Variants in ALG8 observed in about 807,000 individuals in gnomAD.
The protein encoded by ALG8 is dolichyl pyrophosphate Glc1Man9GlcNAc2 alpha-1,3-glucosyltransferase.
ALG8 carries 48 observed loss-of-function variants against 70.2 expected under a neutral mutation model. That is an observed-to-expected ratio of 0.68 (90% confidence interval 0.54 to 0.87). The LOEUF is 0.87. Ranked by LOEUF, ALG8 falls within the 40% of genes least tolerant of loss-of-function variation. The pLI is 0.00. For synonymous variants in ALG8, 234 were observed against 229.0 expected, an observed-to-expected ratio of 1.02 and a Z score of -0.20; for missense variants, 572 against 608.7, an observed-to-expected ratio of 0.94 and a Z score of 0.64.
At chr11:78,127,787 G>C (rs904876956) in intron 1 of ALG8, among the ~76,000 whole-genome samples, 40 of 147,284 alleles carry the variant, frequency 2.7e-4, no homozygotes, top group Non-Finnish European at 5.3e-4. Flanking sequence ...TCAGCTCACT[G>C]CAACTGCCGC....
At position 78,107,069 on chromosome 11, in the gene ALG8, G is replaced by A. The variant is rs1860065742; in HGVS notation, c.1039-123C>T. On this transcript the variant is annotated intron_variant, in intron 9 of 12. Coordinates refer to ENST00000299626, the MANE Select transcript of ALG8 (RefSeq NM_024079.5). ...CAGCCAATCTTAGACAATTCTTCAT[G>A]AAACCGAATCATTCATCACTTTGTG... The A allele has an allele frequency of 5.8e-6, 7 of 1,208,160 alleles. No individual in the cohort carries two copies. In the South Asian group the frequency reaches 8.0e-5, roughly 14 times the overall value. 74.8% of individuals were successfully genotyped at this position (1,208,160 alleles called of 1,614,324 possible).
intron 3 of ALG8, among the ~76,000 whole-genome samples, chr11:78,122,693 C>A (rs1198379991): frequency 6.6e-6 from 1 of 152,110 alleles, no homozygotes; most frequent in Admixed American, 6.6e-5. Context: ...GAAATGAATT[C>A]TATTTCCTCT....
Position 78,109,641 on chromosome 11 carries a change from T to G in ALG8, c.899-60A>C. ...ATCTTTATTACTGAGATACCATATA[T>G]TAACAATCAATTCCTTGAGGAATAA... On this transcript the variant is annotated intron_variant, in intron 8 of 12. Coordinates refer to ENST00000299626, the MANE Select transcript of ALG8 (RefSeq NM_024079.5). 4 of 1,465,296 alleles carry G rather than the reference T, an allele frequency of 2.7e-6. No individual in the cohort carries two copies. In the South Asian group the frequency reaches 4.6e-5, roughly 17 times the overall value. The allele number at this position is 1,465,296 out of a possible 1,614,324, so 90.8% of individuals were successfully genotyped here. A position where few individuals can be genotyped will look rare whatever the true frequency, so the allele number is the denominator to read the frequency against.
chr11:78,135,772 C>A (rs984981154), intron 1 of ALG8, among the ~76,000 whole-genome samples: 8 of 151,318 alleles, frequency 5.3e-5, no homozygotes, highest in African/African-American at 1.9e-4. Context: ...CACTCGAACC[C>A]GGGAAGCTGA....
chr11:78,126,612 T>C (rs377649922), intron 2 of ALG8, among the ~76,000 whole-genome samples: 3 of 152,034 alleles, frequency 2.0e-5, no homozygotes, highest in African/African-American at 7.3e-5. Context: ...ATGGTTTGTA[T>C]ATTACCTGAT....
chr11:78,117,174 G>A (rs971719847), intron 5 of ALG8, among the ~76,000 whole-genome samples: 11 of 152,064 alleles, frequency 7.2e-5, no homozygotes, highest in African/African-American at 1.2e-4. Flanking sequence ...AGAATGTAGC[G>A]GTAAATTTCA....
At chr11:78,111,554 G>C (rs1860290859) in intron 8 of ALG8, among the ~76,000 whole-genome samples, 1 of 152,182 alleles carries the variant, frequency 6.6e-6, no homozygotes, top group Non-Finnish European at 1.5e-5. Context: ...CCTGTGCCCA[G>C]TTTTTGCACA....
rs959540040 is a variant in ALG8 at position 78,118,956 on chromosome 11, C to T, written c.546+226G>A. ...AAAACTCAATTTAATTCAGGCCTGC[C>T]GCATGCTAACAAGCTTTTGGAGTAC... is the stretch of plus-strand genomic sequence containing the variant. On this transcript the variant is annotated intron_variant, in intron 5 of 12. Transcript: ENST00000299626. 1.4e-4 allele frequency among the ~76,000 whole-genome samples: 21 copies of T among 151,974 alleles called. 2 individuals are homozygous for T. Among genetic ancestry groups the T allele is most frequent in the Admixed American group, 1.2e-3 (18 of 15,250 alleles).
intron 8 of ALG8, among the ~76,000 whole-genome samples, chr11:78,109,992 CCT>C (rs535748878): frequency 1.2e-3 from 177 of 152,262 alleles, no homozygotes; most frequent in Non-Finnish European, 2.1e-3. Context: ...CCCCTTCCCC[CCT>C]GTTCAATCTC....
chr11:78,116,029 C>T (rs1860546005), intron 5 of ALG8, among the ~76,000 whole-genome samples: 2 of 152,178 alleles, frequency 1.3e-5, no homozygotes, highest in African/African-American at 4.8e-5. Flanking sequence ...TTGATACAAA[C>T]ACTACTTAGG....
chr11:78,113,789 A>G, intron 7 of ALG8, 97 bp downstream of exon 7: 1 of 998,638 alleles, frequency 1.0e-6, no homozygotes, highest in Non-Finnish European at 1.5e-6. Context: ...AGAAAAAAGT[A>G]GCTTTTACTT....
chr11:78,131,587 A>G (rs1455535155), intron 1 of ALG8, among the ~76,000 whole-genome samples: 1 of 152,176 alleles, frequency 6.6e-6, no homozygotes, highest in Non-Finnish European at 1.5e-5. Flanking sequence ...TGAGCAACAG[A>G]GTTAGACTCT....
chr11:78,121,450 G>C (rs913369208), intron 3 of ALG8, among the ~76,000 whole-genome samples: 1 of 150,598 alleles, frequency 6.6e-6, no homozygotes, highest in Non-Finnish European at 1.5e-5. Flanking sequence ...ACAGCAAGCC[G>C]AGCAGGGTGG....
At chr11:78,121,792 A>G (rs1182627281) in intron 3 of ALG8, among the ~76,000 whole-genome samples, 2 of 152,200 alleles carry the variant, frequency 1.3e-5, no homozygotes, top group African/African-American at 4.8e-5. Flanking sequence ...ATATATCATA[A>G]TACCAGCCAA....
chr11:78,110,611 G>A (rs1448424224), intron 8 of ALG8, among the ~76,000 whole-genome samples: 1 of 152,126 alleles, frequency 6.6e-6, no homozygotes, highest in Non-Finnish European at 1.5e-5. Context: ...TCTATCCCCA[G>A]TACATAGGAG....
intron 1 of ALG8, among the ~76,000 whole-genome samples, chr11:78,131,266 A>G (rs188294192): frequency 1.1e-4 from 16 of 147,090 alleles, no homozygotes; most frequent in Non-Finnish European, 1.8e-4. Flanking sequence ...AAGACTAGAG[A>G]CATAATGATA....
At chr11:78,121,505 A>C (rs1322539510) in intron 3 of ALG8, among the ~76,000 whole-genome samples, 13 of 436 alleles carry the variant, frequency 0.03, no homozygotes, top group Non-Finnish European at 0.085. Context: ...GGACCACTTG[A>C]GCTTGGGGTC....
chr11:78,124,033 T>C lies in ALG8; in HGVS notation c.356A>G (p.Tyr119Cys). ...SVIFMDVLFVYAVRECCKCID... is the reference protein window; with the variant it reads ...SVIFMDVLFVCAVRECCKCID... ...GCTCCAGACTTACTCACGGACAGCA[T>C]ACACAAAGAGTACATCCATAAAGAT... The change falls in exon 3 of 13, where the codon TAT (tyrosine) becomes TGT (cysteine). Residue 119 changes from tyrosine to cysteine, a missense_variant. Transcript: ENST00000299626. 6.2e-7 allele frequency: 1 copy of C among 1,614,160 alleles called. No homozygotes were observed. Among genetic ancestry groups the C allele is most frequent in the Middle Eastern group, 1.6e-4 (1 of 6,062 alleles).
intron 2 of ALG8, among the ~76,000 whole-genome samples, chr11:78,124,498 G>A (rs1860977773): frequency 6.6e-6 from 1 of 152,134 alleles, no homozygotes; most frequent in Admixed American, 6.5e-5. Context: ...CTTAAAATAT[G>A]CCCTAAATTA....
Sources: gnomAD v4.1 joint callset for allele counts (sites outside exome capture counted in the v4.1 genomes callset) on GRCh38, gnomAD v4.1.1 for gene constraint, MANE v1.5 for transcripts, NCBI Gene and HGNC (gene_info 2026-07-23, HGNC 2026-07-21) for gene names.